TTBK1: variants seen among roughly 807,000 people sequenced by gnomAD.
TTBK1 encodes the protein tau-tubulin kinase 1.
A neutral mutation model predicts 108.5 loss-of-function variants in TTBK1; 34 were observed. The observed-to-expected ratio is 0.31, with a 90% CI of 0.24 to 0.42. The LOEUF (loss-of-function observed/expected upper bound fraction) is 0.42. Ranked by LOEUF, TTBK1 falls within the 10% of genes least tolerant of loss-of-function variation. The pLI, the probability that TTBK1 is intolerant of heterozygous loss-of-function variation, is 1.00. For missense variants in TTBK1, 1,539 were observed against 1,826.0 expected (o/e 0.84, Z 2.86); for synonymous variants, 809 against 795.1 (o/e 1.02, Z -0.29).
Position 43,252,756 on chromosome 6 carries a change from C to T in TTBK1, c.126C>T (p.Gly42=), listed in dbSNP as rs775868848. The change falls in exon 3 of 15, where the codon GGC becomes GGT. Residue 42 remains glycine, a synonymous_variant. Coordinates refer to ENST00000259750, the MANE Select transcript of TTBK1 (RefSeq NM_032538.3). ...CTTCATAGCTGAAAAAGATCGGGGGCGGGGGCTTTGGTGAGATCTACGAGG... is the reference window on the plus strand; with the variant it reads ...CTTCATAGCTGAAAAAGATCGGGGGTGGGGGCTTTGGTGAGATCTACGAGG... The part of the protein sequence containing the change: ...DRWKVLKKIG[G]GGFGEIYEAM... The T allele has an allele frequency of 3.1e-6, 5 of 1,613,868 alleles. No individual in the cohort carries two copies. The highest frequency in any genetic ancestry group is 4.2e-6 in the Non-Finnish European group (5 of 1,179,960).
At chr6:43,277,155 C>T (rs931038438) in intron 13 of TTBK1, among the ~76,000 whole-genome samples, 1 of 152,186 alleles carries the variant, frequency 6.6e-6, no homozygotes, top group Non-Finnish European at 1.5e-5. Context: ...GAGCCTCCCA[C>T]TGGCCCTCTG....
chr6:43,252,697 C>G, intron 2 of TTBK1, 42 bp from the exon 3 acceptor site: 1 of 1,610,358 alleles, frequency 6.2e-7, no homozygotes, highest in Non-Finnish European at 8.5e-7. Context: ...AGGAGCTGTT[C>G]AGCCTGATCC....
intron 3 of TTBK1, 46 bp downstream of exon 3, chr6:43,252,932 C>A: frequency 1.9e-6 from 3 of 1,605,480 alleles, no homozygotes; most frequent in Non-Finnish European, 1.7e-6. Context: ...ATGATGAAGC[C>A]AGGGGCTAAG....
chr6:43,253,246 G>T lies in TTBK1; in HGVS notation c.257-45G>T, dbSNP rs1447178204. On this transcript the variant is annotated intron_variant, in intron 3 of 14. Transcript: ENST00000259750. This position sits in a 1 kb window ranked among gnomAD's most constrained non-coding sequence, Gnocchi z 5.8. Reference sequence around the variant, plus strand: ...GAACCCATCTTAGGGTTGGAAATGAGGAAGAAAGAGTAAGAGCTGGAAGAC... The same window carrying T: ...GAACCCATCTTAGGGTTGGAAATGATGAAGAAAGAGTAAGAGCTGGAAGAC... The T allele has an allele frequency of 3.1e-6, 5 of 1,604,466 alleles. No homozygotes were observed. The highest frequency in any genetic ancestry group is 4.3e-6 in the Non-Finnish European group (5 of 1,171,424).
In TTBK1 at chr6:43,284,070, G is replaced by A. The variant is rs764655083; in HGVS notation, c.3330G>A (p.Ser1110=). 6.5e-6 allele frequency: 10 copies of A among 1,539,120 alleles called. No homozygotes were observed. Among genetic ancestry groups the A allele is most frequent in the Middle Eastern group, 1.9e-4 (1 of 5,202 alleles). Residue 1110 remains serine (S), a synonymous_variant, in exon 14 of 15, where the codon TCG becomes TCA. Transcript: ENST00000259750. The part of the protein sequence containing the change: ...RLLLRLASGA[S]SSSSEEQRRA... ...TGTTGCGGCTGGCCTCAGGGGCCTC[G>A]TCCTCCTCCAGTGAGGAGCAGCGCC...
rs1157637525 is a variant in TTBK1, at chr6:43,263,178, A to G, written c.1814A>G (p.Glu605Gly). Residue 605 changes from glutamate to glycine, a missense_variant, in exon 13 of 15, where the codon GAG becomes GGG. This residue lies in a region of TTBK1 where 1,055 missense variants were observed against 1,086.5 expected (regional missense o/e 0.97). Transcript: ENST00000259750. This position sits in a 1 kb window ranked among gnomAD's most constrained non-coding sequence, Gnocchi z 4.7. ...PRGRSMQALAEEDLQHLPPQP... is the reference protein window; with the variant it reads ...PRGRSMQALAGEDLQHLPPQP... Reference sequence around the variant, plus strand: ...GGACGCAGCATGCAGGCGCTGGCGGAGGAGGACCTGCAGCATTTGCCGCCC... The same window carrying G: ...GGACGCAGCATGCAGGCGCTGGCGGGGGAGGACCTGCAGCATTTGCCGCCC... 2.2e-5 allele frequency: 34 copies of G among 1,579,396 alleles called. No homozygotes were observed. The East Asian group carries it at 7.8e-4, about 36-fold the overall frequency.
rs756507170 is a variant in TTBK1 at position 43,257,996 on chromosome 6, C to T, written c.1016+30C>T. ...GTCTCAGGAAGGCGAGCCACCAGCC[C>T]CTGCCTGGAGCTGTTACCTAAGAGG... is the stretch of plus-strand genomic sequence containing the variant. On this transcript the variant is annotated intron_variant, in intron 10 of 14. Coordinates refer to ENST00000259750, the MANE Select transcript of TTBK1 (RefSeq NM_032538.3). The surrounding 1 kb of genome is among the most constrained non-coding windows in gnomAD (Gnocchi z 4.5). 3.7e-6 allele frequency: 6 copies of T among 1,603,516 alleles called. No homozygotes were observed. The highest frequency in any genetic ancestry group is 4.5e-5 in the East Asian group (2 of 44,664).
At chr6:43,284,743 G>A (rs1267539682) in intron 14 of TTBK1, among the ~76,000 whole-genome samples, 1 of 152,114 alleles carries the variant, frequency 6.6e-6, no homozygotes, top group African/African-American at 2.4e-5. Flanking sequence ...ATGAAATGAG[G>A]ACCCCAAAGA....
rs770726041 is a variant in TTBK1 at position 43,259,033 on chromosome 6, T to A, written c.1017-5T>A. On this transcript the variant is annotated splice_polypyrimidine_tract_variant and splice_region_variant and intron_variant, in intron 10 of 14. Coordinates refer to ENST00000259750, the MANE Select transcript of TTBK1 (RefSeq NM_032538.3). This position sits in a 1 kb window ranked among gnomAD's most constrained non-coding sequence, Gnocchi z 6.7. ...TTGCCCATGGCTCCCTCCTGCCCTC[T>A]CCAGGGTGGTCAATGTGACGCCAGT... The A allele has an allele frequency of 6.2e-7, 1 of 1,609,036 alleles. No homozygotes were observed. Among genetic ancestry groups the A allele is most frequent in the South Asian group, 1.1e-5 (1 of 90,354 alleles).
intron 13 of TTBK1, among the ~76,000 whole-genome samples, chr6:43,278,346 G>C: frequency 6.6e-6 from 1 of 152,150 alleles, no homozygotes; most frequent in East Asian, 1.9e-4. Flanking sequence ...GGAGGGGAGG[G>C]GCTGGGGCTT....
rs561775525 is a variant in TTBK1 at position 43,285,490 on chromosome 6, G to C, written c.*114G>C. On this transcript the variant is annotated 3_prime_UTR_variant, in exon 15 of 15. Transcript: ENST00000259750. The surrounding 1 kb of genome is among the most constrained non-coding windows in gnomAD (Gnocchi z 4.7). ...TACGCGCCCGACGCGCGCCACCCGC[G>C]GCCCCAGCTTTCCGCCTGCACCCGC... is the stretch of plus-strand genomic sequence containing the variant. 699 of 1,212,274 alleles carry C rather than the reference G, an allele frequency of 5.8e-4. 5 individuals carry two copies. The African/African-American group carries it at 9.8e-3, about 17-fold the overall frequency. The allele number at this position is 1,212,274 out of a possible 1,614,324, so 75.1% of individuals were successfully genotyped here.
intron 13 of TTBK1, among the ~76,000 whole-genome samples, chr6:43,275,828 C>T (rs1307753459): frequency 6.6e-6 from 1 of 151,694 alleles, no homozygotes; most frequent in African/African-American, 2.4e-5. Context: ...AACTCAGGGA[C>T]CAACATCTGC....
At position 43,254,564 on chromosome 6, in the gene TTBK1, C is replaced by A. The variant is rs749302098; in HGVS notation, c.489C>A (p.Gly163=). 18 of 1,573,108 alleles carry A rather than the reference C, an allele frequency of 1.1e-5. No homozygotes were observed. Among genetic ancestry groups the A allele is most frequent in the Non-Finnish European group, 1.5e-5 (17 of 1,163,130 alleles). ...RDIKPSNFAM[G]RLPSTYRKCY... is the part of the protein sequence containing the mutation. ...TCCCCCAGTCAAACTTTGCCATGGG[C>A]AGGCTGCCCTCCACCTACAGGAAGT... Residue 163 remains glycine (G), a synonymous_variant, in exon 6 of 15, where the codon GGC becomes GGA. Coordinates refer to ENST00000259750, the MANE Select transcript of TTBK1 (RefSeq NM_032538.3).
At position 43,283,469 on chromosome 6, in the gene TTBK1, C is replaced by T. The variant is rs1778249111; in HGVS notation, c.2729C>T (p.Thr910Ile). 1 of 1,614,072 alleles carries T rather than the reference C, an allele frequency of 6.2e-7. No individual in the cohort carries two copies. Among genetic ancestry groups the T allele is most frequent in the South Asian group, 1.1e-5 (1 of 91,080 alleles). ...PGAGLGAGTV[T>I]TGVGGVAVTS... ...GCAGGGCTGGGGGCCGGGACAGTGA[C>T]CACAGGGGTCGGGGGCGTGGCAGTC... is the stretch of plus-strand genomic sequence containing the variant. Residue 910 changes from threonine to isoleucine, a missense_variant, in exon 14 of 15, where the codon ACC becomes ATC. Thr to Ile is a moderately conservative substitution (Grantham distance 89). Around this residue, in one of 5 missense-constraint regions of TTBK1, gnomAD observed 1,055 missense variants for 1,086.5 expected, o/e 0.97. Coordinates refer to ENST00000259750, the MANE Select transcript of TTBK1 (RefSeq NM_032538.3). This position sits in a 1 kb window ranked among gnomAD's most constrained non-coding sequence, Gnocchi z 8.1.
In TTBK1 at chr6:43,276,940, G is replaced by A. The variant is rs551872366; in HGVS notation, c.1987-5787G>A. Among the ~76,000 whole-genome samples, 1 of 152,284 alleles carries A rather than the reference G, an allele frequency of 6.6e-6. No homozygotes were observed. The highest frequency in any genetic ancestry group is 1.9e-4 in the East Asian group (1 of 5,184). On this transcript the variant is annotated intron_variant, in intron 13 of 14. Coordinates refer to ENST00000259750, the MANE Select transcript of TTBK1 (RefSeq NM_032538.3). The surrounding 1 kb of genome is among the most constrained non-coding windows in gnomAD (Gnocchi z 5.4). ...TCTCCTTTCACTGAACGGGTGGGGA[G>A]GGAAGGGGTGAGTGGACTCTGGTCT...
Position 43,285,473 on chromosome 6 carries a change from C to G in TTBK1, c.*97C>G. 1.6e-6 allele frequency: 2 copies of G among 1,223,016 alleles called. No homozygotes were observed. Among genetic ancestry groups the G allele is most frequent in the Non-Finnish European group, 2.0e-6 (2 of 982,276 alleles). The allele number at this position is 1,223,016 out of a possible 1,614,324, so 75.8% of individuals were successfully genotyped here. A position where few individuals can be genotyped will look rare whatever the true frequency, so the allele number is the denominator to read the frequency against. On this transcript the variant is annotated 3_prime_UTR_variant, in exon 15 of 15. Coordinates refer to ENST00000259750, the MANE Select transcript of TTBK1 (RefSeq NM_032538.3). This position sits in a 1 kb window ranked among gnomAD's most constrained non-coding sequence, Gnocchi z 4.7. Reference sequence around the variant, plus strand: ...AGCTCCCAGCACAGCCTTACGCGCCCGACGCGCGCCACCCGCGGCCCCAGC... The same window carrying G: ...AGCTCCCAGCACAGCCTTACGCGCCGGACGCGCGCCACCCGCGGCCCCAGC...
chr6:43,277,725 G>GTGGTGGCACAGACAGACC (rs1349697614), intron 13 of TTBK1, among the ~76,000 whole-genome samples: 8 of 152,258 alleles, frequency 5.3e-5, no homozygotes, highest in African/African-American at 1.7e-4. Flanking sequence ...GCTTGGCAGA[G>GTGGTGGCACAGACAGACC]ACGTTTGGAG....
At chr6:43,272,210 C>A in intron 13 of TTBK1, 1 of 985,434 alleles carries the variant, frequency 1.0e-6, no homozygotes, top group Non-Finnish European at 1.2e-6. Context: ...GCCCCCCCAC[C>A]CAATCTGGGG....
chr6:43,248,437 C>T (rs1405384682), intron 2 of TTBK1, among the ~76,000 whole-genome samples: 3 of 152,028 alleles, frequency 2.0e-5, no homozygotes, highest in Non-Finnish European at 4.4e-5. Flanking sequence ...AAAATAAATA[C>T]GTGGACCAGG....
Sources: allele counts gnomAD v4.1 joint callset (sites outside exome capture counted in the v4.1 genomes callset), GRCh38; gene constraint gnomAD v4.1.1; regional missense constraint gnomAD v4.1.1; non-coding constraint Gnocchi (gnomAD v3.1); transcripts MANE v1.5; gene names NCBI Gene and HGNC (gene_info 2026-07-23, HGNC 2026-07-21).